The following CACNG6 variants were observed in gnomAD, a reference collection of about 807,000 sequenced individuals.
CACNG6 encodes the protein calcium voltage-gated channel auxiliary subunit gamma 6.
Under a neutral mutation model 23.9 loss-of-function variants are expected in CACNG6, and 21 were observed. The ratio of observed to expected loss-of-function variants is 0.88; its 90% CI spans 0.62 to 1.26. The LOEUF is 1.26. CACNG6 is among the 50% of genes most tolerant of loss of function. The pLI is 0.00. For synonymous variants in CACNG6, 182 were observed against 168.9 expected (o/e 1.08, Z -0.60); for missense variants, 340 against 352.9 (o/e 0.96, Z 0.29).
intron 3 of CACNG6, among the ~76,000 whole-genome samples, chr19:54,001,485 G>A (rs981162989): frequency 1.3e-5 from 2 of 152,120 alleles, no homozygotes; most frequent in African/African-American, 2.4e-5. Flanking sequence ...CACCGCGCCC[G>A]GCCAAGACTT....
At chr19:53,998,088 T>C in intron 1 of CACNG6, 151 bp from the exon 2 acceptor site, 1 of 585,308 alleles carries the variant, frequency 1.7e-6, no homozygotes, top group Non-Finnish European at 2.9e-6. Context: ...GCAGGTGGCT[T>C]TCACACCTCT....
upstream of CACNG6, among the ~76,000 whole-genome samples, chr19:53,991,285 C>T (rs1015475776): frequency 5.3e-5 from 8 of 151,982 alleles, no homozygotes; most frequent in Non-Finnish European, 1.0e-4. Flanking sequence ...GCCTCAGGCC[C>T]TCCTCCCTGA....
intron 3 of CACNG6, among the ~76,000 whole-genome samples, chr19:54,000,154 G>T (rs565196231): frequency 6.6e-6 from 1 of 152,192 alleles, no homozygotes; most frequent in Non-Finnish European, 1.5e-5. Flanking sequence ...TAGAGAAAGC[G>T]CAAGGACTAT....
At chr19:54,002,275 G>GTTTTTTTTTTTTTTTTTT (rs1174799698) in intron 3 of CACNG6, among the ~76,000 whole-genome samples, 18 of 116,424 alleles carry the variant, frequency 1.5e-4, no homozygotes, top group Admixed American at 3.5e-4. Context: ...CGGTTTTTTT[G>GTTTTTTTTTTTTTTTTTT]TTTTTTTTGT....
intron 3 of CACNG6, among the ~76,000 whole-genome samples, chr19:54,010,565 C>A (rs1200388380): frequency 6.6e-6 from 1 of 151,804 alleles, no homozygotes; most frequent in Non-Finnish European, 1.5e-5. Context: ...TTTTTATTTT[C>A]AATTTTTATT....
At chr19:54,005,964 C>T (rs1381758972) in intron 3 of CACNG6, among the ~76,000 whole-genome samples, 1 of 151,334 alleles carries the variant, frequency 6.6e-6, no homozygotes, top group Non-Finnish European at 1.5e-5. Context: ...GCGGCGGGTG[C>T]CTGTAATCCC....
intron 3 of CACNG6, 41 bp downstream of exon 3, chr19:53,999,812 G>A (rs372829439): frequency 1.2e-4 from 189 of 1,605,916 alleles, no homozygotes; most frequent in Non-Finnish European, 1.5e-4. Flanking sequence ...ATTGCATGCT[G>A]GGAGGATCTC....
rs905402727 is a variant in CACNG6, at chr19:53,993,100, G to T, written c.223G>T (p.Val75Leu). 5 of 1,546,526 alleles carry T rather than the reference G, an allele frequency of 3.2e-6. No homozygotes were observed. In the African/African-American group the frequency reaches 6.9e-5, roughly 21 times the overall value. ...CACCTACAAGGCCAACGGCAGCGCC[G>T]TGTGCGAAGCGGCCCACCTGGGGCT... ...LNTYKANGSAVCEAAHLGLWK... is the reference protein window; with the variant it reads ...LNTYKANGSALCEAAHLGLWK... The change falls in exon 1 of 4, where the codon GTG becomes TTG. Residue 75 changes from valine (V) to leucine (L), a missense_variant. Transcript: ENST00000252729.
At chr19:54,003,973 T>C (rs1371506858) in intron 3 of CACNG6, among the ~76,000 whole-genome samples, 1 of 152,062 alleles carries the variant, frequency 6.6e-6, no homozygotes, top group African/African-American at 2.4e-5. Flanking sequence ...TCCTCCCACC[T>C]CATCCTCGAG....
chr19:53,995,584 T>C (rs1245775716), intron 1 of CACNG6, among the ~76,000 whole-genome samples: 1 of 152,192 alleles, frequency 6.6e-6, no homozygotes, highest in Non-Finnish European at 1.5e-5. Flanking sequence ...ACACTTCCCT[T>C]GTGGATGTAG....
intron 1 of CACNG6, among the ~76,000 whole-genome samples, chr19:53,997,129 C>G (rs1226025739): frequency 2.0e-5 from 3 of 152,078 alleles, no homozygotes; most frequent in Admixed American, 6.6e-5. Flanking sequence ...CTCGGCCTCC[C>G]AAAGTGCAGG....
At chr19:54,001,786 G>A (rs1430510192) in intron 3 of CACNG6, among the ~76,000 whole-genome samples, 2 of 152,138 alleles carry the variant, frequency 1.3e-5, no homozygotes, top group Non-Finnish European at 2.9e-5. Flanking sequence ...CAGGGAGACT[G>A]GTGTAAAAGA....
At position 53,993,036 on chromosome 19, in the gene CACNG6, G is replaced by A. The variant is rs113333594; in HGVS notation, c.159G>A (p.Ala53=). The A allele has an allele frequency of 1.4e-5, 21 of 1,480,672 alleles. No homozygotes were observed. Among genetic ancestry groups the A allele is most frequent in the African/African-American group, 7.4e-5 (5 of 67,952 alleles). The allele number at this position is 1,480,672 out of a possible 1,614,324, so 91.7% of individuals were successfully genotyped here. ...LLLAAVGATL[A]VLSVGTEFWV... Reference sequence around the variant, plus strand: ...TGGCCGCCGTGGGCGCCACGCTGGCGGTGCTGTCCGTGGGCACCGAGTTCT... The same window carrying A: ...TGGCCGCCGTGGGCGCCACGCTGGCAGTGCTGTCCGTGGGCACCGAGTTCT... Residue 53 remains alanine (A), a synonymous_variant, in exon 1 of 4, where the codon GCG becomes GCA. Transcript: ENST00000252729.
rs199614002 is a variant in CACNG6, at chr19:54,012,075, C to T, written c.669C>T (p.Cys223=). The change falls in exon 4 of 4, where the codon TGC becomes TGT. Residue 223 remains cysteine, a synonymous_variant. Coordinates refer to ENST00000252729, the MANE Select transcript of CACNG6 (RefSeq NM_145814.2). The part of the protein sequence containing the change: ...LTYEYSWSLG[C]GVGAGLILLL... ...ACGAGTACTCCTGGTCCCTGGGCTG[C>T]GGCGTGGGGGCCGGCCTGATCCTGC... 26 of 1,593,488 alleles carry T rather than the reference C, an allele frequency of 1.6e-5. No individual in the cohort carries two copies. The highest frequency in any genetic ancestry group is 5.3e-5 in the Admixed American group (3 of 56,692).
chr19:54,005,222 T>TA (rs2069628343), intron 3 of CACNG6, among the ~76,000 whole-genome samples: 1 of 92,814 alleles, frequency 1.1e-5, no homozygotes, highest in South Asian at 2.7e-4. Context: ...AATAAATAAA[T>TA]AAATAAATAA....
At position 53,991,667 on chromosome 19, in the gene CACNG6, C is replaced by T. The variant is rs2069460667; in HGVS notation, c.-1211C>T. ...GGTGGCGGTGGCGGGCACAGCCGGA[C>T]GCTTCGGAGGCAGCGCGGAGCTGGG... On this transcript the variant is annotated 5_prime_UTR_variant, in exon 1 of 4. It adds an upstream start codon to the 5' untranslated region. Transcript: ENST00000252729. 6.6e-6 allele frequency among the ~76,000 whole-genome samples: 1 copy of T among 151,686 alleles called. No individual in the cohort carries two copies. The highest frequency in any genetic ancestry group is 6.6e-5 in the Admixed American group (1 of 15,256).
At chr19:54,004,027 T>A (rs551677977) in intron 3 of CACNG6, among the ~76,000 whole-genome samples, 65 of 152,238 alleles carry the variant, frequency 4.3e-4, no homozygotes, top group African/African-American at 1.4e-3. Context: ...GGCTAATTTT[T>A]AAAATTATTT....
Position 54,012,254 on chromosome 19 carries a change from G to A in CACNG6, c.*65G>A. On this transcript the variant is annotated 3_prime_UTR_variant, in exon 4 of 4. Transcript: ENST00000252729. ...TTGACCTTCTCCATTGTACCCCCAA[G>A]ATCTTTTTGCCCCATCTCCTAGAGA... The A allele has an allele frequency of 1.4e-6, 1 of 720,320 alleles. No homozygotes were observed. The highest frequency in any genetic ancestry group is 3.0e-5 in the East Asian group (1 of 33,284). The allele number at this position is 720,320 out of a possible 1,614,324, so 44.6% of individuals were successfully genotyped here. A position where few individuals can be genotyped will look rare whatever the true frequency, so the allele number is the denominator to read the frequency against.
At chr19:54,001,981 T>G (rs1035408461) in intron 3 of CACNG6, among the ~76,000 whole-genome samples, 1 of 152,178 alleles carries the variant, frequency 6.6e-6, no homozygotes, top group Non-Finnish European at 1.5e-5. Context: ...TAGTATTGTG[T>G]CCATCCTATC....
Sources: allele counts gnomAD v4.1 joint callset (sites outside exome capture counted in the v4.1 genomes callset), GRCh38; gene constraint gnomAD v4.1.1; transcripts MANE v1.5; gene names NCBI Gene and HGNC (gene_info 2026-07-23, HGNC 2026-07-21).